The following CXADR variants were observed in gnomAD, a reference collection of about 807,000 sequenced individuals.
CXADR encodes coxsackievirus and adenovirus receptor.
CXADR carries 20 observed loss-of-function variants against 40.3 expected under a neutral mutation model. That is an observed-to-expected ratio of 0.50 (90% CI 0.35 to 0.72). CXADR has a LOEUF of 0.72. Ranked by LOEUF, CXADR falls within the 30% of genes least tolerant of loss-of-function variation. The pLI is 0.01. For missense variants in CXADR, 332 were observed against 449.1 expected (o/e 0.74, Z 2.36); for synonymous variants, 150 against 161.3 (o/e 0.93, Z 0.53).
intron 1 of CXADR, among the ~76,000 whole-genome samples, chr21:17,536,487 T>G (rs2123197840): frequency 6.6e-6 from 1 of 152,204 alleles, no homozygotes; most frequent in Middle Eastern, 3.4e-3. Context: ...CCGGTCTGCC[T>G]TCAGATAGCT....
At chr21:17,561,546 C>G (rs764103508) in intron 6 of CXADR, 70 bp downstream of exon 6, 3 of 1,327,500 alleles carry the variant, frequency 2.3e-6, no homozygotes, top group Non-Finnish European at 3.1e-6. Flanking sequence ...CATTCGTTCT[C>G]TTATTAACCA....
At chr21:17,598,628 G>C in the CXADR span, 15 of 1,613,860 alleles carry the variant, frequency 9.3e-6, no homozygotes, top group Admixed American at 1.0e-4. Context: ...TGGTACACAG[G>C]ACTTGCGGCT....
intron 7 of CXADR, among the ~76,000 whole-genome samples, chr21:17,589,026 G>T (rs556926331): frequency 6.6e-6 from 1 of 151,440 alleles, no homozygotes; most frequent in African/African-American, 2.4e-5. Flanking sequence ...TTTATTTCCA[G>T]GTATTTAATA....
chr21:17,604,193 A>T, the CXADR span: 1 of 1,210,396 alleles, frequency 8.3e-7, no homozygotes. Context: ...CCTGTAATCC[A>T]GCGCTTTGGG....
rs1600965798 is a variant in CXADR at position 17,531,040 on chromosome 21, C to T, written c.44-15987C>T. ...TGCGGTCAGGCGCAGTGGCTCACGC[C>T]TGTAATCCCAGCACTTTGGGAGGTC... On this transcript the variant is annotated intron_variant, in intron 1 of 6. Transcript: ENST00000284878. 2.6e-5 allele frequency among the ~76,000 whole-genome samples: 4 copies of T among 152,184 alleles called. No individual in the cohort carries two copies. The South Asian group carries it at 8.3e-4, about 32-fold the overall frequency.
chr21:17,558,953 T>G (rs751409460), intron 3 of CXADR, 23 bp from the exon 4 acceptor site: 1 of 1,593,258 alleles, frequency 6.3e-7, no homozygotes. Flanking sequence ...TTATGTAAAT[T>G]TATAATTTGT....
At chr21:17,630,015 C>A in the CXADR span, among the ~76,000 whole-genome samples, 1 of 151,960 alleles carries the variant, frequency 6.6e-6, no homozygotes, top group East Asian at 1.9e-4. Context: ...TCCAAACTGC[C>A]CCAGGTGGGA....
At chr21:17,598,599 A>T in the CXADR span, 1 of 1,607,346 alleles carries the variant, frequency 6.2e-7, no homozygotes. Flanking sequence ...TTTAAAACTG[A>T]GCTGTTTTCA....
intron 7 of CXADR, among the ~76,000 whole-genome samples, chr21:17,581,505 C>T (rs2061359284): frequency 6.6e-6 from 1 of 152,100 alleles, no homozygotes; most frequent in South Asian, 2.1e-4. Context: ...TAAAAGTCTA[C>T]CTCTCTTTCA....
intron 1 of CXADR, among the ~76,000 whole-genome samples, chr21:17,533,277 G>A (rs1034150498): frequency 1.3e-4 from 20 of 152,096 alleles, no homozygotes; most frequent in African/African-American, 4.8e-4. Flanking sequence ...AAAAGAAAAA[G>A]TTTCACCCAA....
At chr21:17,587,235 A>G (rs1185505271) in intron 7 of CXADR, among the ~76,000 whole-genome samples, 4 of 152,104 alleles carry the variant, frequency 2.6e-5, no homozygotes, top group Admixed American at 1.3e-4. Flanking sequence ...ATGATTTATA[A>G]TCCTTTGGGT....
chr21:17,531,059 G>T (rs1315854916), intron 1 of CXADR, among the ~76,000 whole-genome samples: 2 of 152,272 alleles, frequency 1.3e-5, no homozygotes, highest in East Asian at 3.9e-4. Context: ...CAGCACTTTG[G>T]GAGGTCGAGG....
At chr21:17,542,796 C>G (rs912289809) in intron 1 of CXADR, among the ~76,000 whole-genome samples, 1 of 152,150 alleles carries the variant, frequency 6.6e-6, no homozygotes, top group Non-Finnish European at 1.5e-5. Context: ...AAGTAGTTTG[C>G]AAGTTAAATT....
chr21:17,575,526 C>T (rs1381371174), intron 7 of CXADR, among the ~76,000 whole-genome samples: 3 of 148,466 alleles, frequency 2.0e-5, no homozygotes, highest in Admixed American at 1.3e-4. Flanking sequence ...AGTCTCGCTC[C>T]GTTGCCCAGG....
At position 17,567,143 on chromosome 21, in the gene CXADR, T is replaced by C. The variant is rs2061220393; in HGVS notation, c.*1451T>C. 1 of 984,486 alleles carries C rather than the reference T, an allele frequency of 1.0e-6. No individual in the cohort carries two copies. The highest frequency in any genetic ancestry group is 1.2e-6 in the Non-Finnish European group (1 of 829,246). 61.0% of individuals were successfully genotyped at this position (984,486 alleles called of 1,614,324 possible). A position where few individuals can be genotyped will look rare whatever the true frequency, so the allele number is the denominator to read the frequency against. ...ATAATAAATACGGTCTGCAATAAATTATTTCACTAGCTCTAAAACCTTTCC... is the reference window on the plus strand; with the variant it reads ...ATAATAAATACGGTCTGCAATAAATCATTTCACTAGCTCTAAAACCTTTCC... On this transcript the variant is annotated 3_prime_UTR_variant, in exon 7 of 7. Transcript: ENST00000284878.
downstream of CXADR, among the ~76,000 whole-genome samples, chr21:17,573,923 A>G (rs369667493): frequency 6.6e-6 from 1 of 152,106 alleles, no homozygotes; most frequent in Non-Finnish European, 1.5e-5. Flanking sequence ...AAAATTCATA[A>G]TCTGAATTTG....
At chr21:17,608,115 C>T in the CXADR span, among the ~76,000 whole-genome samples, 1 of 152,154 alleles carries the variant, frequency 6.6e-6, no homozygotes, top group Non-Finnish European at 1.5e-5. Context: ...GCCTGTAATC[C>T]TCACATTCTG....
Position 17,522,225 on chromosome 21 carries a change from C to A in CXADR, c.43+9053C>A, listed in dbSNP as rs530134933. ...GTGCAATGGCGCGATCTCGACTCAC[C>A]GCAACCTCTGCCTCCCGGGTTCAAG... On this transcript the variant is annotated intron_variant, in intron 1 of 6. Transcript: ENST00000284878. 5.9e-5 allele frequency among the ~76,000 whole-genome samples: 9 copies of A among 151,796 alleles called. No individual in the cohort carries two copies. The East Asian group carries it at 1.4e-3, about 23-fold the overall frequency.
chr21:17,572,184 A>C (rs2737876), downstream of CXADR, among the ~76,000 whole-genome samples: 18,871 of 143,764 alleles, frequency 0.13, 1,197 homozygotes, highest in East Asian at 0.21. Flanking sequence ...CAACATGATG[A>C]AACCCCATCT....
Sources: allele counts gnomAD v4.1 joint callset (sites outside exome capture counted in the v4.1 genomes callset), GRCh38; gene constraint gnomAD v4.1.1; transcripts MANE v1.5; gene names NCBI Gene and HGNC (gene_info 2026-07-23, HGNC 2026-07-21).